The following RAD51 variants were observed in gnomAD, a reference collection of about 807,000 sequenced individuals.
RAD51 encodes the protein RAD51 recombinase.
RAD51 carries 14 observed loss-of-function variants against 41.5 expected under a neutral mutation model. The ratio of observed to expected loss-of-function variants is 0.34; its 90% CI spans 0.22 to 0.53. The LOEUF is 0.53. RAD51 is among the 20% of genes least tolerant of loss of function. The probability of loss-of-function intolerance (pLI) is 0.95; values close to 1 mark genes in which losing one functional copy is unlikely to be tolerated. For synonymous variants in RAD51, 136 were observed against 148.6 expected (o/e 0.92, Z 0.62); for missense variants, 234 against 422.0 (o/e 0.55, Z 3.90).
At chr15:40,700,934 C>G (rs1020672426) in intron 2 of RAD51, 130 bp from the exon 3 acceptor site, 18 of 850,718 alleles carry the variant, frequency 2.1e-5, no homozygotes, top group Non-Finnish European at 3.0e-5. Flanking sequence ...CCCCCGCCCC[C>G]CCAAGGATTT....
chr15:40,708,420 G>A (rs756141250), intron 4 of RAD51, among the ~76,000 whole-genome samples: 3 of 151,428 alleles, frequency 2.0e-5, no homozygotes, highest in Non-Finnish European at 4.4e-5. Context: ...TAGACATGAG[G>A]TTTCACCATG....
At chr15:40,705,454 T>C (rs1895272096) in intron 3 of RAD51, among the ~76,000 whole-genome samples, 1 of 152,190 alleles carries the variant, frequency 6.6e-6, no homozygotes, top group African/African-American at 2.4e-5. Context: ...GAGAAAAGAT[T>C]GAAGGGCAAA....
chr15:40,724,749 G>A (rs1289844997), intron 6 of RAD51, among the ~76,000 whole-genome samples: 8 of 133,860 alleles, frequency 6.0e-5, no homozygotes, highest in Non-Finnish European at 9.2e-5. Flanking sequence ...GTGCGATCTC[G>A]GCTCACGCAA....
At chr15:40,701,519 A>G (rs779374777) in intron 3 of RAD51, among the ~76,000 whole-genome samples, 9 of 150,122 alleles carry the variant, frequency 6.0e-5, no homozygotes, top group Non-Finnish European at 1.0e-4. Context: ...GGACTACACT[A>G]CAGGCACATG....
In RAD51 at chr15:40,713,994, C is replaced by CTTTTTTT. The variant is rs749995356; in HGVS notation, c.436-4799_436-4793dup. ...TGTTAACTCTCCTCAGAAATAAATT[C>CTTTTTTT]TTTTTTTTTTTTTTTTTTGAGATTG... On this transcript the variant is annotated intron_variant, in intron 5 of 9. Transcript: ENST00000267868. Among the ~76,000 whole-genome samples the CTTTTTTT allele has an allele frequency of 7.4e-3, 853 of 114,788 alleles. 27 individuals carry two copies. Among genetic ancestry groups the CTTTTTTT allele is most frequent in the African/African-American group, 0.019 (591 of 30,344 alleles). The allele number at this position is 114,788 out of a possible 152,430, so 75.3% of individuals were successfully genotyped here.
intron 4 of RAD51, among the ~76,000 whole-genome samples, chr15:40,707,107 C>T (rs565473040): frequency 2.7e-4 from 40 of 149,488 alleles, no homozygotes; most frequent in African/African-American, 9.6e-4. Flanking sequence ...CTTCTAGCCT[C>T]AGTCTCCCCA....
chr15:40,729,618 T>G lies in RAD51; in HGVS notation c.758T>G (p.Leu253Arg), dbSNP rs376436790. 6.2e-7 allele frequency: 1 copy of G among 1,613,868 alleles called. No homozygotes were observed. Among genetic ancestry groups the G allele is most frequent in the African/African-American group, 1.3e-5 (1 of 74,918 alleles). ...TTGGCCAGGTTTCTGCGGATGCTTC[T>G]GCGACTCGCTGATGAGGTAAGTTGT... ...MHLARFLRML[L>R]RLADEFGVAV... The change falls in exon 8 of 10, where the codon CTG becomes CGG. Residue 253 changes from leucine to arginine, a missense_variant. By Grantham distance (102) the Leu-to-Arg change is moderately radical. Around this residue, in one of 2 missense-constraint regions of RAD51, gnomAD observed 134 missense variants for 286.5 expected, o/e 0.47. Coordinates refer to ENST00000267868, the MANE Select transcript of RAD51 (RefSeq NM_002875.5).
chr15:40,730,520 CTTTTTT>C (rs778467789), intron 9 of RAD51, among the ~76,000 whole-genome samples: 1 of 113,108 alleles, frequency 8.8e-6, no homozygotes, highest in Non-Finnish European at 1.7e-5. Flanking sequence ...AATTTTTTTT[CTTTTTT>C]TTTTTTTTTT....
rs114227963 is a variant in RAD51, at chr15:40,706,909, G to C, written c.343+615G>C. 2.2e-3 allele frequency among the ~76,000 whole-genome samples: 339 copies of C among 152,248 alleles called. 3 individuals are homozygous for C. The highest frequency in any genetic ancestry group is 8.0e-3 in the African/African-American group (333 of 41,538). ...CACAGGGTTGAAAACCTGATGACTG[G>C]TTAAAACATTCCATGTTTGAATACT... On this transcript the variant is annotated intron_variant, in intron 4 of 9. Coordinates refer to ENST00000267868, the MANE Select transcript of RAD51 (RefSeq NM_002875.5).
At chr15:40,726,807 G>A (rs959651733) in intron 6 of RAD51, among the ~76,000 whole-genome samples, 9 of 151,792 alleles carry the variant, frequency 5.9e-5, no homozygotes, top group Non-Finnish European at 1.2e-4. Context: ...CAGCTACTCG[G>A]GAGGCTGAGG....
At position 40,720,318 on chromosome 15, in the gene RAD51, G is replaced by A. The variant is rs191580877; in HGVS notation, c.530+1419G>A. Among the ~76,000 whole-genome samples, 660 of 152,174 alleles carry A rather than the reference G, an allele frequency of 4.3e-3. 3 individuals carry two copies. The highest frequency in any genetic ancestry group is 0.027 in the Middle Eastern group (8 of 294). Reference sequence around the variant, plus strand: ...AGGCTGGTCTCAAACCTGACCTCAAGTGATCTGCCTGCCTTGGCCTCCCAA... The same window carrying A: ...AGGCTGGTCTCAAACCTGACCTCAAATGATCTGCCTGCCTTGGCCTCCCAA... On this transcript the variant is annotated intron_variant, in intron 6 of 9. Transcript: ENST00000267868.
At chr15:40,726,004 A>C (rs544501780) in intron 6 of RAD51, among the ~76,000 whole-genome samples, 7 of 151,670 alleles carry the variant, frequency 4.6e-5, no homozygotes, top group Non-Finnish European at 8.8e-5. Flanking sequence ...AAAACAACAA[A>C]AAAAAATGCA....
chr15:40,728,590 C>T, intron 6 of RAD51, 121 bp from the exon 7 acceptor site: 1 of 853,168 alleles, frequency 1.2e-6, no homozygotes, highest in Non-Finnish European at 2.0e-6. Flanking sequence ...TTCTTTGGTC[C>T]TGAAACTACT....
At chr15:40,726,737 A>G (rs1596021324) in intron 6 of RAD51, among the ~76,000 whole-genome samples, 1 of 151,146 alleles carries the variant, frequency 6.6e-6, no homozygotes, top group Non-Finnish European at 1.5e-5. Context: ...ACATGGTGAA[A>G]CCCCGTCTCT....
Position 40,701,034 on chromosome 15 carries a change from A to G in RAD51, c.88-30A>G, listed in dbSNP as rs528550558. On this transcript the variant is annotated intron_variant, in intron 2 of 9. Coordinates refer to ENST00000267868, the MANE Select transcript of RAD51 (RefSeq NM_002875.5). ...GTGTTAGATTAGAGAACTAAAGCTT[A>G]AATTTATCCATGGTTTTCTTCATTT... 2.7e-5 allele frequency: 44 copies of G among 1,609,856 alleles called. No individual in the cohort carries two copies. In the South Asian group the frequency reaches 4.6e-4, roughly 17 times the overall value.
rs45604436 is a variant in RAD51, at chr15:40,730,060, C to A, written c.896+86C>A. 5 of 1,532,902 alleles carry A rather than the reference C, an allele frequency of 3.3e-6. No homozygotes were observed. In the African/African-American group the frequency reaches 5.5e-5, roughly 17 times the overall value. 95.0% of individuals were successfully genotyped at this position (1,532,902 alleles called of 1,614,324 possible). A position where few individuals can be genotyped will look rare whatever the true frequency, so the allele number is the denominator to read the frequency against. On this transcript the variant is annotated intron_variant, in intron 9 of 9. Transcript: ENST00000267868. ...AAGATATAACATTTTCATTTAAGCC[C>A]TGTTAAAGCTACTGTTGTATAGACA...
intron 4 of RAD51, among the ~76,000 whole-genome samples, chr15:40,706,623 A>T (rs56335767): frequency 6.6e-6 from 1 of 152,106 alleles, no homozygotes; most frequent in Non-Finnish European, 1.5e-5. Flanking sequence ...AATCACTTGA[A>T]CCCGGAAGAC....
In RAD51 at chr15:40,695,399, C is replaced by CT. The variant is rs1221924688; in HGVS notation, c.-28dup. 1 of 152,988 alleles carries CT rather than the reference C, an allele frequency of 6.5e-6. No homozygotes were observed. The highest frequency in any genetic ancestry group is 6.5e-5 in the Admixed American group (1 of 15,296). 9.5% of individuals were successfully genotyped at this position (152,988 alleles called of 1,614,324 possible). ...GGGTGAAGTCGGAGCGCGGGGCCTG[C>CT]TGGAGAGAGGAGCGCTGCGGACCGA... On this transcript the variant is annotated 5_prime_UTR_variant, in exon 1 of 10. Transcript: ENST00000267868.
chr15:40,715,399 A>G (rs551279066), intron 5 of RAD51, among the ~76,000 whole-genome samples: 24 of 152,292 alleles, frequency 1.6e-4, no homozygotes, highest in African/African-American at 4.8e-5. Flanking sequence ...AAAAAATCAC[A>G]TACCCTTTGA....
Sources: allele counts gnomAD v4.1 joint callset (sites outside exome capture counted in the v4.1 genomes callset), GRCh38; gene constraint gnomAD v4.1.1; regional missense constraint gnomAD v4.1.1; transcripts MANE v1.5; gene names NCBI Gene and HGNC (gene_info 2026-07-23, HGNC 2026-07-21).